POLR1A: variants seen among roughly 807,000 people sequenced by gnomAD.
POLR1A encodes the protein DNA-directed RNA polymerase I subunit RPA1.
In POLR1A, 84 loss-of-function variants were observed where a neutral mutation model predicts 205.3. The observed-to-expected ratio is 0.41, with a 90% CI of 0.34 to 0.49. POLR1A has a LOEUF of 0.49. POLR1A is among the 20% of genes least tolerant of loss of function. POLR1A has a pLI of 0.22. For synonymous variants in POLR1A, 799 were observed against 863.7 expected, an observed-to-expected ratio of 0.93 and a Z score of 1.31; for missense variants, 1,645 against 2,204.5, an observed-to-expected ratio of 0.75 and a Z score of 5.08.
Position 86,088,832 on chromosome 2 carries a change from AGCAATGAGCTT to A in POLR1A, c.568_578del (p.Lys190SerfsTer10). Reference sequence around the variant, plus strand: ...CATTCATATGTGCCTTCCAGAAGAGAGCAATGAGCTTGCTCTTGCTCTCACACACGTTCTTT... The same window carrying A: ...CATTCATATGTGCCTTCCAGAAGAGAGCTCTTGCTCTCACACACGTTCTTT... On this transcript the variant is annotated frameshift_variant, in exon 5 of 34. Coordinates refer to ENST00000263857, the MANE Select transcript of POLR1A (RefSeq NM_015425.6). LOFTEE classifies it high-confidence loss of function. 6.2e-7 allele frequency: 1 copy of A among 1,614,060 alleles called. No homozygotes were observed. The highest frequency in any genetic ancestry group is 8.5e-7 in the Non-Finnish European group (1 of 1,179,980).
At chr2:86,105,287 C>T (rs1673904727) in intron 1 of POLR1A, among the ~76,000 whole-genome samples, 1 of 152,136 alleles carries the variant, frequency 6.6e-6, no homozygotes, top group Admixed American at 6.5e-5. Flanking sequence ...ATAGCAGGGT[C>T]CTAGCAAAGA....
At chr2:86,038,075 A>G (rs1029619295) in intron 27 of POLR1A, among the ~76,000 whole-genome samples, 3 of 152,214 alleles carry the variant, frequency 2.0e-5, no homozygotes, top group Admixed American at 2.0e-4. Context: ...CAAAAAGCCC[A>G]TCCTCCTGCT....
Position 86,098,401 on chromosome 2 carries a change from T to C in POLR1A, c.432+210A>G, listed in dbSNP as rs75485563. Among the ~76,000 whole-genome samples, 118 of 152,364 alleles carry C rather than the reference T, an allele frequency of 7.7e-4. 3 individuals are homozygous for C. In the East Asian group the frequency reaches 0.018, roughly 24 times the overall value. On this transcript the variant is annotated intron_variant, in intron 3 of 33. Coordinates refer to ENST00000263857, the MANE Select transcript of POLR1A (RefSeq NM_015425.6). The stretch of plus-strand genomic sequence containing the variant: ...AGCAAAAGCTCATAAATGGATTAAA[T>C]GGTATTTCACTATTGTTTCTATGAA...
chr2:86,031,811 C>T (rs1461459347), intron 29 of POLR1A, among the ~76,000 whole-genome samples, 176 bp from the exon 30 acceptor site: 1 of 152,152 alleles, frequency 6.6e-6, no homozygotes, highest in South Asian at 2.1e-4. Flanking sequence ...CTTCCTTTTG[C>T]CTTGAGAATG....
At chr2:86,040,910 C>T (rs1391037923) in intron 24 of POLR1A, among the ~76,000 whole-genome samples, 1 of 152,152 alleles carries the variant, frequency 6.6e-6, no homozygotes. Context: ...TTTATCCATT[C>T]TTTCTTCTCA....
At position 86,050,743 on chromosome 2, in the gene POLR1A, G is replaced by A. The variant is rs1171250179; in HGVS notation, c.2393-1501C>T. 2.0e-5 allele frequency among the ~76,000 whole-genome samples: 3 copies of A among 152,150 alleles called. No homozygotes were observed. In the East Asian group the frequency reaches 5.8e-4, roughly 29 times the overall value. On this transcript the variant is annotated intron_variant, in intron 16 of 33. Transcript: ENST00000263857. The stretch of plus-strand genomic sequence containing the variant: ...AAAGCGCTCTGATTTTTTCTAGTTA[G>A]CAGAAATCCTTGTGCTTATTCTAGG...
chr2:86,065,184 C>T, intron 14 of POLR1A, 90 bp downstream of exon 14: 1 of 1,167,626 alleles, frequency 8.6e-7, no homozygotes, highest in South Asian at 1.5e-5. Flanking sequence ...ATTTCTCTGT[C>T]TCTGGTCTGG....
chr2:86,083,627 G>A (rs1673443425), intron 6 of POLR1A, among the ~76,000 whole-genome samples: 2 of 152,144 alleles, frequency 1.3e-5, no homozygotes, highest in Admixed American at 6.5e-5. Context: ...ATTCCATTAA[G>A]GATGATTCCT....
chr2:86,080,117 A>G (rs1673373550), intron 9 of POLR1A, among the ~76,000 whole-genome samples: 1 of 152,114 alleles, frequency 6.6e-6, no homozygotes, highest in Admixed American at 6.6e-5. Flanking sequence ...GGACTGTCGC[A>G]GCGGCTGGAG....
At chr2:86,075,380 G>A (rs1196605487) in intron 11 of POLR1A, 120 bp from the exon 12 acceptor site, 2 of 707,938 alleles carry the variant, frequency 2.8e-6, no homozygotes, top group East Asian at 5.4e-5. Flanking sequence ...GTTTGACTTG[G>A]CCAAGAAGGT....
Position 86,021,240 on chromosome 2 carries a change from G to C in POLR1A, c.*6183C>G, listed in dbSNP as rs777873940. On this transcript the variant is annotated 3_prime_UTR_variant, in exon 34 of 34. Transcript: ENST00000263857. ...CTGGCTTGGCTCCCGTGAAAACACTGCAGCGGGCAGCCAGTCCGGAAGGCA... is the reference window on the plus strand; with the variant it reads ...CTGGCTTGGCTCCCGTGAAAACACTCCAGCGGGCAGCCAGTCCGGAAGGCA... The C allele has an allele frequency of 6.6e-6, 1 of 152,320 alleles. No individual in the cohort carries two copies. The highest frequency in any genetic ancestry group is 2.4e-5 in the African/African-American group (1 of 41,460). 9.4% of individuals were successfully genotyped at this position (152,320 alleles called of 1,614,324 possible).
chr2:86,086,070 T>C (rs1170739236), intron 6 of POLR1A, among the ~76,000 whole-genome samples: 2 of 152,064 alleles, frequency 1.3e-5, no homozygotes, highest in Non-Finnish European at 2.9e-5. Context: ...TTTTTTTTTT[T>C]TCTTTGAGAT....
At chr2:86,039,843 G>A (rs1041444149) in intron 25 of POLR1A, among the ~76,000 whole-genome samples, 5 of 152,210 alleles carry the variant, frequency 3.3e-5, no homozygotes, top group Non-Finnish European at 7.3e-5. Flanking sequence ...TGTATAGTGG[G>A]TCCCAGCCTC....
At chr2:86,051,354 C>T (rs562850802) in intron 16 of POLR1A, among the ~76,000 whole-genome samples, 29 of 149,452 alleles carry the variant, frequency 1.9e-4, no homozygotes, top group African/African-American at 7.2e-4. Context: ...TTTAAATTAT[C>T]TTCATGTATG....
chr2:86,057,705 C>G (rs1424143964), intron 14 of POLR1A, among the ~76,000 whole-genome samples: 1 of 152,116 alleles, frequency 6.6e-6, no homozygotes, highest in Non-Finnish European at 1.5e-5. Flanking sequence ...TCATAAAAGG[C>G]TACATATTGT....
rs1672301931 is a variant in POLR1A at position 86,027,952 on chromosome 2, G to A, written c.4995C>T (p.Asn1665=). The A allele has an allele frequency of 6.2e-7, 1 of 1,614,184 alleles. No homozygotes were observed. The highest frequency in any genetic ancestry group is 8.5e-7 in the Non-Finnish European group (1 of 1,180,012). ...KPLNRFGIRS[N]SSPLQQMTFE... ...ATGTCATCTGCTGTAGCGGGGAAGA[G>A]TTTGACCGGATCCCAAAGCGATTCA... Residue 1665 remains asparagine (N), a synonymous_variant, in exon 33 of 34, where the codon AAC becomes AAT. Transcript: ENST00000263857.
Position 86,028,195 on chromosome 2 carries a change from T to C in POLR1A, c.4898-146A>G, listed in dbSNP as rs1573798740. ...CTTCAGCTCCGCCACCTGCTCACGC[T>C]ACTTAACCCTTCCCCGTGGTCTGGG... On this transcript the variant is annotated intron_variant, in intron 32 of 33. Coordinates refer to ENST00000263857, the MANE Select transcript of POLR1A (RefSeq NM_015425.6). This position sits in a 1 kb window ranked among gnomAD's most constrained non-coding sequence, Gnocchi z 4.5. 3 of 734,000 alleles carry C rather than the reference T, an allele frequency of 4.1e-6. No individual in the cohort carries two copies. In the East Asian group the frequency reaches 7.6e-5, roughly 19 times the overall value. The allele number at this position is 734,000 out of a possible 1,614,324, so 45.5% of individuals were successfully genotyped here.
At position 86,088,612 on chromosome 2, in the gene POLR1A, T is replaced by C. The variant is rs1673546753; in HGVS notation, c.684A>G (p.Pro228=). The part of the protein sequence containing the change: ...EHNSKLTITF[P]AMVHRTAGQK... ...GGCCAGCTGTCCTGTGCACCATGGC[T>C]GGAAACGTGATAGTCAACTTGCTGT... is the stretch of plus-strand genomic sequence containing the variant. The change falls in exon 6 of 34, where the codon CCA becomes CCG. Residue 228 remains proline, a synonymous_variant. Coordinates refer to ENST00000263857, the MANE Select transcript of POLR1A (RefSeq NM_015425.6). 1 of 1,614,068 alleles carries C rather than the reference T, an allele frequency of 6.2e-7. No homozygotes were observed. The highest frequency in any genetic ancestry group is 8.5e-7 in the Non-Finnish European group (1 of 1,179,894).
intron 29 of POLR1A, 146 bp from the exon 30 acceptor site, chr2:86,031,781 C>A: frequency 9.1e-7 from 1 of 1,102,314 alleles, no homozygotes; most frequent in Non-Finnish European, 1.3e-6. Context: ...TCCTCTGCTC[C>A]GGCCTGGTTG....
Sources: gnomAD v4.1 joint callset for allele counts (sites outside exome capture counted in the v4.1 genomes callset) on GRCh38, gnomAD v4.1.1 for gene constraint, Gnocchi (gnomAD v3.1) non-coding constraint, MANE v1.5 for transcripts, NCBI Gene and HGNC (gene_info 2026-07-23, HGNC 2026-07-21) for gene names.